The following CELF4 variants were observed in gnomAD, a reference collection of about 807,000 sequenced individuals.
CELF4 encodes CUGBP Elav-like family member 4.
In CELF4, 18 loss-of-function variants were observed where a neutral mutation model predicts 59.9. The observed-to-expected ratio is 0.30, with a 90% CI of 0.21 to 0.45. The LOEUF is 0.45. CELF4 is among the 20% of genes least tolerant of loss of function. The pLI is 1.00. For missense variants in CELF4, 456 were observed against 689.0 expected, an observed-to-expected ratio of 0.66 and a Z score of 3.79; for synonymous variants, 261 against 267.1, an observed-to-expected ratio of 0.98 and a Z score of 0.22.
At chr18:37,366,227 A>G (rs555704611) in intron 2 of CELF4, among the ~76,000 whole-genome samples, 114 of 152,312 alleles carry the variant, frequency 7.5e-4, no homozygotes, top group African/African-American at 2.5e-3. Context: ...TGGGGCTGGA[A>G]AAGCTATAGC....
intron 7 of CELF4, among the ~76,000 whole-genome samples, chr18:37,272,583 A>G (rs2091819053): frequency 6.6e-6 from 1 of 151,178 alleles, no homozygotes; most frequent in South Asian, 2.1e-4. Context: ...AAAAAAAAAA[A>G]AAAAAAAAAA....
chr18:37,397,292 C>A (rs533481672), intron 2 of CELF4, among the ~76,000 whole-genome samples: 1 of 41,618 alleles, frequency 2.4e-5, no homozygotes, highest in South Asian at 9.4e-4. Flanking sequence ...GGCATCTTGG[C>A]AGACCTCATT....
chr18:37,271,713 G>A (rs993037617), intron 7 of CELF4, among the ~76,000 whole-genome samples: 9 of 152,206 alleles, frequency 5.9e-5, no homozygotes, highest in Admixed American at 2.0e-4. Context: ...TACTGAGGCA[G>A]AGAGGTTATT....
At chr18:37,466,107 AGTCGCGCC>A (rs1188957106) in intron 2 of CELF4, among the ~76,000 whole-genome samples, 1 of 152,334 alleles carries the variant, frequency 6.6e-6, no homozygotes, top group Non-Finnish European at 1.5e-5. Flanking sequence ...GGGCCAGCTA[AGTCGCGCC>A]TGCTCTTTCT....
intron 3 of CELF4, among the ~76,000 whole-genome samples, chr18:37,282,855 G>A (rs1184678426): frequency 6.6e-6 from 1 of 152,134 alleles, no homozygotes; most frequent in Non-Finnish European, 1.5e-5. Context: ...TGAGCCAGTG[G>A]AGAGCTACAC....
chr18:37,329,153 A>G (rs866812946), intron 2 of CELF4, among the ~76,000 whole-genome samples: 2 of 152,316 alleles, frequency 1.3e-5, no homozygotes, highest in Non-Finnish European at 1.5e-5. Flanking sequence ...CACAGTTTGT[A>G]TTTTGTGGCT....
chr18:37,535,207 T>A (rs1040921562), intron 1 of CELF4, among the ~76,000 whole-genome samples: 2 of 152,202 alleles, frequency 1.3e-5, no homozygotes, highest in Non-Finnish European at 2.9e-5. Flanking sequence ...GATTCTGGAA[T>A]TAAAAATAAT....
intron 2 of CELF4, among the ~76,000 whole-genome samples, chr18:37,408,394 T>C (rs1318461979): frequency 6.6e-6 from 1 of 151,398 alleles, no homozygotes. Context: ...CACCCAACTT[T>C]CCAGGAACGT....
intron 1 of CELF4, among the ~76,000 whole-genome samples, chr18:37,501,174 C>T (rs112462073): frequency 2.6e-5 from 4 of 152,324 alleles, no homozygotes; most frequent in African/African-American, 9.6e-5. Flanking sequence ...GGCATTGTGA[C>T]AAGACACTGG....
intron 2 of CELF4, among the ~76,000 whole-genome samples, chr18:37,426,946 A>C (rs1398639717): frequency 6.9e-6 from 1 of 144,294 alleles, no homozygotes; most frequent in Non-Finnish European, 1.5e-5. Flanking sequence ...CAATCACTCC[A>C]GACTGTTTAC....
intron 1 of CELF4, among the ~76,000 whole-genome samples, chr18:37,555,981 AGTCT>A (rs2099984680): frequency 6.6e-6 from 1 of 152,064 alleles, no homozygotes; most frequent in South Asian, 2.1e-4. Flanking sequence ...TGTGTGTGTG[AGTCT>A]GTTTTGAACA....
intron 2 of CELF4, among the ~76,000 whole-genome samples, chr18:37,395,154 T>C (rs1266999124): frequency 3.3e-5 from 5 of 152,148 alleles, no homozygotes; most frequent in Non-Finnish European, 7.3e-5. Context: ...CCATGTTCAC[T>C]GTCTCCCTGG....
rs1018016912 is a variant in CELF4 at position 37,343,642 on chromosome 18, G to T, written c.370-21761C>A. ...GTGTATATGTAGGAGTGCAGGAAGG[G>T]ACTGCCTGACTGCAAGCTGGGCACC... On this transcript the variant is annotated intron_variant, in intron 2 of 12. Coordinates refer to ENST00000420428, the MANE Select transcript of CELF4 (RefSeq NM_020180.4). Among the ~76,000 whole-genome samples the T allele has an allele frequency of 5.9e-5, 9 of 152,118 alleles. No homozygotes were observed. The East Asian group carries it at 1.7e-3, about 29-fold the overall frequency.
intron 2 of CELF4, among the ~76,000 whole-genome samples, chr18:37,361,784 G>A (rs953783222): frequency 2.6e-5 from 4 of 151,576 alleles, no homozygotes; most frequent in Non-Finnish European, 4.4e-5. Flanking sequence ...GACTACCCTC[G>A]GAGATGCCCA....
intron 3 of CELF4, among the ~76,000 whole-genome samples, chr18:37,320,395 G>A (rs2097066679): frequency 6.6e-6 from 1 of 151,892 alleles, no homozygotes. Context: ...GGCCTCATGG[G>A]TGTTCTCAAT....
intron 1 of CELF4, among the ~76,000 whole-genome samples, chr18:37,524,647 T>G (rs889045511): frequency 1.3e-5 from 2 of 152,180 alleles, no homozygotes; most frequent in African/African-American, 2.4e-5. Context: ...TTAGCCGACC[T>G]CTGGCGCCGT....
intron 1 of CELF4, among the ~76,000 whole-genome samples, chr18:37,490,449 G>A (rs555441791): frequency 1.3e-4 from 20 of 152,282 alleles, no homozygotes; most frequent in African/African-American, 4.3e-4. Flanking sequence ...AGGTGAGCCC[G>A]ACAGGATGCA....
intron 3 of CELF4, 108 bp from the exon 4 acceptor site, chr18:37,275,351 G>T: frequency 7.5e-7 from 1 of 1,330,802 alleles, no homozygotes; most frequent in Non-Finnish European, 1.0e-6. Flanking sequence ...CCGGGGAGGC[G>T]GGGCGGGGGC....
At chr18:37,465,746 T>A (rs1213409812) in intron 2 of CELF4, among the ~76,000 whole-genome samples, 1 of 152,070 alleles carries the variant, frequency 6.6e-6, no homozygotes, top group East Asian at 1.9e-4. Flanking sequence ...GTAAGTGTAA[T>A]GGAAGGGAAT....
Sources: gnomAD v4.1 joint callset for allele counts (sites outside exome capture counted in the v4.1 genomes callset) on GRCh38, gnomAD v4.1.1 for gene constraint, MANE v1.5 for transcripts, NCBI Gene and HGNC (gene_info 2026-07-23, HGNC 2026-07-21) for gene names.